PRKN: variants seen among roughly 807,000 people sequenced by gnomAD.
The protein encoded by PRKN is E3 ubiquitin-protein ligase parkin.
PRKN carries 56 observed loss-of-function variants against 59.5 expected under a neutral mutation model. The observed-to-expected ratio is 0.94, with a 90% CI of 0.76 to 1.18. The LOEUF (loss-of-function observed/expected upper bound fraction) is 1.18, where lower values mean the gene tolerates loss of function less well. Ranked by LOEUF, PRKN falls within the 50% of genes most tolerant of loss-of-function variation. PRKN has a pLI of 0.00. For synonymous variants in PRKN, 250 were observed against 222.1 expected, an observed-to-expected ratio of 1.13 and a Z score of -1.12; for missense variants, 657 against 596.4, an observed-to-expected ratio of 1.10 and a Z score of -1.06.
chr6:161,884,256 G>C (rs1180169201), intron 6 of PRKN, among the ~76,000 whole-genome samples: 1 of 152,166 alleles, frequency 6.6e-6, no homozygotes, highest in Non-Finnish European at 1.5e-5. Flanking sequence ...TTCTAATGCA[G>C]TAAATTTTTG....
At chr6:161,684,961 G>A (rs1388835484) in intron 7 of PRKN, among the ~76,000 whole-genome samples, 3 of 152,104 alleles carry the variant, frequency 2.0e-5, no homozygotes, top group Non-Finnish European at 4.4e-5. Context: ...GGATCAGAAA[G>A]CTTTGGAACT....
At position 162,315,399 on chromosome 6, in the gene PRKN, C is replaced by T. The variant is rs543909278; in HGVS notation, c.172-52634G>A. The stretch of plus-strand genomic sequence containing the variant: ...AGTTTAAGGAGTTATTGTAAGGCCG[C>T]CTGTAGGAAAGTACTAATAACCAAG... On this transcript the variant is annotated intron_variant, in intron 2 of 11. Coordinates refer to ENST00000366898, the MANE Select transcript of PRKN (RefSeq NM_004562.3). Among the ~76,000 whole-genome samples the T allele has an allele frequency of 2.6e-5, 4 of 152,278 alleles. No homozygotes were observed. In the South Asian group the frequency reaches 8.3e-4, roughly 32 times the overall value.
At chr6:162,668,539 T>G (rs977993240) in intron 1 of PRKN, among the ~76,000 whole-genome samples, 1 of 150,710 alleles carries the variant, frequency 6.6e-6, no homozygotes, top group Non-Finnish European at 1.5e-5. Context: ...AGGACAGAGG[T>G]GCTGGGCCAG....
intron 6 of PRKN, among the ~76,000 whole-genome samples, chr6:161,909,430 TTTC>T (rs1000830761): frequency 2.0e-5 from 3 of 152,150 alleles, no homozygotes; most frequent in Non-Finnish European, 4.4e-5. Flanking sequence ...ATAAAAATCA[TTTC>T]TTTTGATTAA....
rs560851303 is a variant in PRKN at position 161,378,276 on chromosome 6, G to A, written c.1167+8518C>T. ...TGGACCACTGCCAGCCTCCGCCACT[G>A]GCCACAGCAGTCCTGGGCCAGGGCA... is the stretch of plus-strand genomic sequence containing the variant. On this transcript the variant is annotated intron_variant, in intron 10 of 11. Transcript: ENST00000366898. This position sits in a 1 kb window ranked among gnomAD's most constrained non-coding sequence, Gnocchi z 7.3. 6.6e-6 allele frequency among the ~76,000 whole-genome samples: 1 copy of A among 152,242 alleles called. No individual in the cohort carries two copies. Among genetic ancestry groups the A allele is most frequent in the East Asian group, 1.9e-4 (1 of 5,150 alleles).
At chr6:161,622,121 G>A (rs1189986120) in intron 7 of PRKN, among the ~76,000 whole-genome samples, 1 of 152,218 alleles carries the variant, frequency 6.6e-6, no homozygotes, top group East Asian at 1.9e-4. Context: ...TCCTCATGGT[G>A]AGTGAGAGGA....
intron 4 of PRKN, among the ~76,000 whole-genome samples, chr6:162,105,477 C>T (rs1780155429): frequency 1.3e-5 from 2 of 152,202 alleles, no homozygotes; most frequent in African/African-American, 4.8e-5. Context: ...TTTCGGCTCA[C>T]TGCAACCTCC....
chr6:162,178,344 G>T (rs1289210669), intron 4 of PRKN, among the ~76,000 whole-genome samples: 1 of 152,174 alleles, frequency 6.6e-6, no homozygotes, highest in Non-Finnish European at 1.5e-5. Flanking sequence ...TGAGCAAATT[G>T]TAATGGGCCT....
At chr6:161,476,010 G>C (rs147270535) in intron 9 of PRKN, among the ~76,000 whole-genome samples, 12,536 of 151,788 alleles carry the variant, frequency 0.083, 775 homozygotes, top group African/African-American at 0.18. Context: ...CACGGTGAAA[G>C]CCTGTCTCTA....
At chr6:162,612,618 A>C (rs1217375060) in intron 1 of PRKN, among the ~76,000 whole-genome samples, 1 of 141,962 alleles carries the variant, frequency 7.0e-6, no homozygotes, top group South Asian at 2.2e-4. Flanking sequence ...AAAAAAAAAA[A>C]CAGCAAAAAA....
intron 1 of PRKN, among the ~76,000 whole-genome samples, chr6:162,662,916 G>C (rs1280894306): frequency 6.6e-6 from 1 of 152,116 alleles, no homozygotes; most frequent in African/African-American, 2.4e-5. Flanking sequence ...CAAAGGCTTG[G>C]GTTGGGGGAA....
intron 9 of PRKN, among the ~76,000 whole-genome samples, chr6:161,489,089 A>G (rs1777450553): frequency 6.6e-6 from 1 of 152,164 alleles, no homozygotes; most frequent in South Asian, 2.1e-4. Flanking sequence ...AATCAAAACC[A>G]GTTTTGGCAT....
intron 4 of PRKN, among the ~76,000 whole-genome samples, chr6:162,155,937 G>A (rs1186938605): frequency 6.6e-6 from 1 of 152,144 alleles, no homozygotes; most frequent in African/African-American, 2.4e-5. Context: ...AATGCAAAAG[G>A]ATGGAGGAGC....
intron 1 of PRKN, among the ~76,000 whole-genome samples, chr6:162,455,433 T>C (rs1406116940): frequency 1.3e-5 from 2 of 152,218 alleles, no homozygotes; most frequent in Non-Finnish European, 1.5e-5. Flanking sequence ...ATATAGTATA[T>C]TGCCCCAAGG....
At position 161,544,211 on chromosome 6, in the gene PRKN, T is replaced by C. The variant is rs1779716103; in HGVS notation, c.1083+4643A>G. Among the ~76,000 whole-genome samples, 1 of 152,222 alleles carries C rather than the reference T, an allele frequency of 6.6e-6. No individual in the cohort carries two copies. Among genetic ancestry groups the C allele is most frequent in the African/African-American group, 2.4e-5 (1 of 41,468 alleles). On this transcript the variant is annotated intron_variant, in intron 9 of 11. Transcript: ENST00000366898. This position sits in a 1 kb window ranked among gnomAD's most constrained non-coding sequence, Gnocchi z 5.5. The stretch of plus-strand genomic sequence containing the variant: ...ACTTGGCCGTGTATGTAGCCTTTGA[T>C]AGAGCACACCAATTCTGTAAATTCT...
In PRKN at chr6:161,405,574, C is replaced by T. The variant is rs147151949; in HGVS notation, c.1084-18697G>A. ...CTCCAGCCTGGGTGACAAAGCAAGA[C>T]CCTGTCTAAAAAATAAAATAAAATA... On this transcript the variant is annotated intron_variant, in intron 9 of 11. Transcript: ENST00000366898. This position sits in a 1 kb window ranked among gnomAD's most constrained non-coding sequence, Gnocchi z 5.1. Among the ~76,000 whole-genome samples the T allele has an allele frequency of 1.3e-3, 202 of 150,212 alleles. No individual in the cohort carries two copies. Among genetic ancestry groups the T allele is most frequent in the African/African-American group, 4.6e-3 (187 of 40,796 alleles).
rs886633554 is a variant in PRKN, at chr6:161,480,440, T to C, written c.1083+68414A>G. Reference sequence around the variant, plus strand: ...CTGGAAAAGAATCTTAATTCTCTTATTTCACATATGAGAAAATTGAGAGCT... The same window carrying C: ...CTGGAAAAGAATCTTAATTCTCTTACTTCACATATGAGAAAATTGAGAGCT... On this transcript the variant is annotated intron_variant, in intron 9 of 11. Transcript: ENST00000366898. The surrounding 1 kb of genome is among the most constrained non-coding windows in gnomAD (Gnocchi z 4.1). Among the ~76,000 whole-genome samples the C allele has an allele frequency of 1.3e-5, 2 of 152,188 alleles. No individual in the cohort carries two copies. Among genetic ancestry groups the C allele is most frequent in the African/African-American group, 4.8e-5 (2 of 41,452 alleles).
intron 8 of PRKN, among the ~76,000 whole-genome samples, chr6:161,553,617 C>G (rs1490627623): frequency 6.6e-6 from 1 of 152,158 alleles, no homozygotes; most frequent in African/African-American, 2.4e-5. Flanking sequence ...TTAATTCAAA[C>G]ATTCCTTCAT....
rs189207473 is a variant in PRKN, at chr6:161,352,549, A to T, written c.1286-2338T>A. 2.7e-3 allele frequency among the ~76,000 whole-genome samples: 409 copies of T among 151,638 alleles called. 3 individuals are homozygous for T. Among genetic ancestry groups the T allele is most frequent in the South Asian group, 9.3e-3 (45 of 4,822 alleles). On this transcript the variant is annotated intron_variant, in intron 11 of 11. Coordinates refer to ENST00000366898, the MANE Select transcript of PRKN (RefSeq NM_004562.3). This position sits in a 1 kb window ranked among gnomAD's most constrained non-coding sequence, Gnocchi z 5.8. ...TCTAAAATATCATAAATATTTTATC[A>T]TATCATAAATATATCATTATTATAT...
Sources: gnomAD v4.1 joint callset for allele counts (sites outside exome capture counted in the v4.1 genomes callset) on GRCh38, gnomAD v4.1.1 for gene constraint, Gnocchi (gnomAD v3.1) non-coding constraint, MANE v1.5 for transcripts, NCBI Gene and HGNC (gene_info 2026-07-23, HGNC 2026-07-21) for gene names.